The following COL26A1 variants were observed in gnomAD, a reference collection of about 807,000 sequenced individuals.
The protein encoded by COL26A1 is collagen type XXVI alpha 1 chain.
A neutral mutation model predicts 59.3 loss-of-function variants in COL26A1; 41 were observed. The observed-to-expected ratio is 0.69, with a 90% CI of 0.54 to 0.90. The LOEUF is 0.90. COL26A1 is among the 40% of genes least tolerant of loss of function. The pLI, the probability that COL26A1 is intolerant of heterozygous loss-of-function variation, is 0.00. For synonymous variants in COL26A1, 266 were observed against 256.0 expected (o/e 1.04, Z -0.37); for missense variants, 612 against 602.3 (o/e 1.02, Z -0.17).
intron 2 of COL26A1, among the ~76,000 whole-genome samples, chr7:101,438,431 G>A (rs1792969115): frequency 6.6e-6 from 1 of 151,546 alleles, no homozygotes; most frequent in Non-Finnish European, 1.5e-5. Context: ...GAGGGAGGGA[G>A]GCAGATGGGG....
intron 6 of COL26A1, 48 bp from the exon 7 acceptor site, chr7:101,545,289 AC>A: frequency 6.6e-7 from 1 of 1,505,318 alleles, no homozygotes; most frequent in East Asian, 2.5e-5. Flanking sequence ...AGTTGCAGCC[AC>A]CCGCCAGGCT....
At chr7:101,474,586 T>A (rs1307288307) in intron 3 of COL26A1, among the ~76,000 whole-genome samples, 1 of 152,020 alleles carries the variant, frequency 6.6e-6, no homozygotes, top group Admixed American at 6.6e-5. Context: ...AGCCAGACCC[T>A]GTCTCAAAAA....
At chr7:101,397,285 G>C (rs1032274268) in intron 1 of COL26A1, among the ~76,000 whole-genome samples, 1 of 152,118 alleles carries the variant, frequency 6.6e-6, no homozygotes. Flanking sequence ...AAGTGTCTCA[G>C]GATCTGGTGC....
chr7:101,413,450 C>T lies in COL26A1; in HGVS notation c.159-6527C>T, dbSNP rs183591317. Among the ~76,000 whole-genome samples the T allele has an allele frequency of 3.8e-3, 578 of 151,662 alleles. 1 individual carries two copies. The highest frequency in any genetic ancestry group is 6.0e-3 in the Non-Finnish European group (411 of 67,960). The stretch of plus-strand genomic sequence containing the variant: ...AGGAAAATTGTTTGAACCCAGGAGG[C>T]GGAGGCTGTAATGAGCTGAGATCAT... On this transcript the variant is annotated intron_variant, in intron 1 of 12. Coordinates refer to ENST00000313669, the MANE Select transcript of COL26A1 (RefSeq NM_001278563.3).
At chr7:101,387,645 CTT>C (rs1491483607) in intron 1 of COL26A1, among the ~76,000 whole-genome samples, 10 of 134,672 alleles carry the variant, frequency 7.4e-5, no homozygotes, top group African/African-American at 2.5e-4. Flanking sequence ...CTCTCTCTCT[CTT>C]TATATATATA....
chr7:101,397,682 A>G (rs1791893719), intron 1 of COL26A1, among the ~76,000 whole-genome samples: 1 of 151,802 alleles, frequency 6.6e-6, no homozygotes, highest in Non-Finnish European at 1.5e-5. Context: ...GACTACAGGC[A>G]CACACCACCG....
intron 1 of COL26A1, among the ~76,000 whole-genome samples, chr7:101,412,165 C>G (rs963506867): frequency 6.6e-6 from 1 of 152,060 alleles, no homozygotes; most frequent in African/African-American, 2.4e-5. Context: ...TGAGGACTAG[C>G]TAAACAAAAC....
chr7:101,378,545 A>T (rs1791372384), intron 1 of COL26A1, among the ~76,000 whole-genome samples: 1 of 151,888 alleles, frequency 6.6e-6, no homozygotes, highest in Non-Finnish European at 1.5e-5. Flanking sequence ...TTTTTTTTGT[A>T]CAGACAGTGT....
At chr7:101,546,870 GAGAAGTGAGC>G (rs56183088) in intron 7 of COL26A1, among the ~76,000 whole-genome samples, 54,762 of 151,894 alleles carry the variant, frequency 0.36, 10,199 homozygotes, top group African/African-American at 0.41. Context: ...TGGGGCATTG[GAGAAGTGAGC>G]AGGGCAGACC....
At chr7:101,434,253 C>T (rs1792861689) in intron 2 of COL26A1, among the ~76,000 whole-genome samples, 1 of 137,068 alleles carries the variant, frequency 7.3e-6, no homozygotes, top group Non-Finnish European at 1.5e-5. Flanking sequence ...CTGTCTCTCT[C>T]TTTCTCTTTG....
In COL26A1 at chr7:101,489,666, T is replaced by TG. The variant is rs1173949357; in HGVS notation, c.385+41879_385+41880insG. Reference sequence around the variant, plus strand: ...CTTTCTTTCTTTCTTTCTTTCTTCCTTCCTTCCTTCCTTCCTTTCTTTCTT... The same window carrying TG: ...CTTTCTTTCTTTCTTTCTTTCTTCCTGTCCTTCCTTCCTTCCTTTCTTTCTT... On this transcript the variant is annotated intron_variant, in intron 3 of 12. Coordinates refer to ENST00000313669, the MANE Select transcript of COL26A1 (RefSeq NM_001278563.3). Among the ~76,000 whole-genome samples the TG allele has an allele frequency of 4.5e-3, 248 of 54,880 alleles. 14 individuals carry two copies. The highest frequency in any genetic ancestry group is 0.01 in the African/African-American group (62 of 5,916). 36.0% of individuals were successfully genotyped at this position (54,880 alleles called of 152,430 possible).
At chr7:101,547,813 G>GTTTA (rs111558862) in intron 8 of COL26A1, among the ~76,000 whole-genome samples, 68,982 of 149,918 alleles carry the variant, frequency 0.46, 18,005 homozygotes, top group African/African-American at 0.75. Context: ...TCATTCATTC[G>GTTTA]TTCATTCATT....
intron 3 of COL26A1, among the ~76,000 whole-genome samples, chr7:101,451,092 AAT>A (rs1793326196): frequency 7.9e-6 from 1 of 127,158 alleles, no homozygotes; most frequent in Non-Finnish European, 1.7e-5. Context: ...ATATTATTGA[AAT>A]ATATGATACG....
At position 101,558,725 on chromosome 7, in the gene COL26A1, G is replaced by C. The variant is rs1275734636; in HGVS notation, c.*1195G>C. ...GGTCTCCGTGATCAGCTCAGCCCTG[G>C]TGTTCCTCTCTTGCTGGGCTGGGAC... On this transcript the variant is annotated 3_prime_UTR_variant, in exon 13 of 13. Transcript: ENST00000313669. The C allele has an allele frequency of 6.6e-6, 1 of 152,334 alleles. No homozygotes were observed. Among genetic ancestry groups the C allele is most frequent in the Non-Finnish European group, 1.5e-5 (1 of 68,146 alleles). The allele number at this position is 152,334 out of a possible 1,614,324, so 9.4% of individuals were successfully genotyped here.
chr7:101,533,547 C>G (rs999178246), intron 4 of COL26A1, among the ~76,000 whole-genome samples: 11 of 152,156 alleles, frequency 7.2e-5, no homozygotes, highest in African/African-American at 2.4e-4. Context: ...TGGGAAGTGA[C>G]CAGCTTTTGG....
At chr7:101,518,752 C>T (rs1315248938) in intron 3 of COL26A1, among the ~76,000 whole-genome samples, 1 of 152,220 alleles carries the variant, frequency 6.6e-6, no homozygotes, top group African/African-American at 2.4e-5. Flanking sequence ...CTCCTGGTAT[C>T]CTTGCTGCCC....
intron 3 of COL26A1, among the ~76,000 whole-genome samples, chr7:101,512,497 C>A (rs566286910): frequency 6.6e-6 from 1 of 152,276 alleles, no homozygotes; most frequent in East Asian, 1.9e-4. Context: ...ATGTGCCTGC[C>A]TGTAGTCCAA....
chr7:101,363,032 G>C lies in COL26A1; in HGVS notation c.-1G>C, dbSNP rs1396804203. 1 of 1,575,512 alleles carries C rather than the reference G, an allele frequency of 6.3e-7. No homozygotes were observed. The highest frequency in any genetic ancestry group is 1.4e-5 in the African/African-American group (1 of 72,484). ...CGGGTCCCCGCGGGCTGCTGCGCAC[G>C]ATGAAGCTGGCCCTGCTCCTGCCCT... On this transcript the variant is annotated 5_prime_UTR_variant, in exon 1 of 13. Transcript: ENST00000313669.
chr7:101,490,000 G>A (rs897755788), intron 3 of COL26A1, among the ~76,000 whole-genome samples: 10 of 147,850 alleles, frequency 6.8e-5, no homozygotes, highest in South Asian at 2.1e-4. Context: ...GCAATGGCCC[G>A]ATCTCGGCTC....
Sources: allele counts gnomAD v4.1 joint callset (sites outside exome capture counted in the v4.1 genomes callset), GRCh38; gene constraint gnomAD v4.1.1; transcripts MANE v1.5; gene names NCBI Gene and HGNC (gene_info 2026-07-23, HGNC 2026-07-21).